ABTB3: variants seen among roughly 807,000 people sequenced by gnomAD.
The protein encoded by ABTB3 is ankyrin repeat and BTB domain containing 3.
the ABTB3 span, chr12:107,640,420 A>G: frequency 3.3e-6 from 5 of 1,529,110 alleles, no homozygotes; most frequent in Non-Finnish European, 4.5e-6. Flanking sequence ...CAAGGTACGT[A>G]TCATCGGTTT....
the ABTB3 span, among the ~76,000 whole-genome samples, chr12:107,483,544 C>T: frequency 6.6e-6 from 1 of 152,174 alleles, no homozygotes; most frequent in African/African-American, 2.4e-5. Context: ...CAGTCCCCTC[C>T]CCTTCCCCAC....
At chr12:107,536,525 ACTCAAC>A in the ABTB3 span, among the ~76,000 whole-genome samples, 1 of 151,822 alleles carries the variant, frequency 6.6e-6, no homozygotes, top group Non-Finnish European at 1.5e-5. Flanking sequence ...TAGACAAGGA[ACTCAAC>A]CTCAAAGAGA....
the ABTB3 span, among the ~76,000 whole-genome samples, chr12:107,427,159 C>A: frequency 6.6e-6 from 1 of 152,170 alleles, no homozygotes. Flanking sequence ...CAGGGGAAAC[C>A]CTTCCTTGCC....
At chr12:107,501,643 T>C in the ABTB3 span, among the ~76,000 whole-genome samples, 10 of 152,160 alleles carry the variant, frequency 6.6e-5, no homozygotes, top group Middle Eastern at 3.4e-3. Flanking sequence ...GAGATTGTAG[T>C]GAGCTGAGAT....
the ABTB3 span, among the ~76,000 whole-genome samples, chr12:107,539,047 A>G: frequency 2.0e-5 from 3 of 152,306 alleles, no homozygotes; most frequent in Admixed American, 6.5e-5. Context: ...GCTGAGTGAC[A>G]CCTGGGCCAG....
the ABTB3 span, among the ~76,000 whole-genome samples, chr12:107,417,057 A>G: frequency 6.6e-6 from 1 of 152,198 alleles, no homozygotes. Flanking sequence ...AAGGCGAGGA[A>G]ATTAGCAACT....
the ABTB3 span, among the ~76,000 whole-genome samples, chr12:107,621,065 G>T: frequency 1.3e-5 from 2 of 152,202 alleles, no homozygotes; most frequent in Non-Finnish European, 2.9e-5. Context: ...GAGGGGACAT[G>T]GGGCTGCTTC....
chr12:107,531,617 A>G, the ABTB3 span, among the ~76,000 whole-genome samples: 1 of 152,054 alleles, frequency 6.6e-6, no homozygotes, highest in East Asian at 1.9e-4. Flanking sequence ...CTGCAATGCT[A>G]GTTACAGGAA....
the ABTB3 span, chr12:107,617,046 T>C: frequency 1.3e-6 from 2 of 1,586,682 alleles, no homozygotes; most frequent in East Asian, 4.5e-5. Flanking sequence ...CTGTGCACAG[T>C]GTATCTCCTC....
the ABTB3 span, among the ~76,000 whole-genome samples, chr12:107,480,246 A>G: frequency 6.6e-6 from 1 of 152,194 alleles, no homozygotes; most frequent in African/African-American, 2.4e-5. Context: ...GGAAGGCTAA[A>G]ATAGCACCTG....
the ABTB3 span, among the ~76,000 whole-genome samples, chr12:107,381,635 C>G: frequency 2.6e-5 from 4 of 152,192 alleles, no homozygotes; most frequent in Admixed American, 6.5e-5. Context: ...ATCTGTTCAT[C>G]AAACACTTCC....
At chr12:107,338,689 G>T in the ABTB3 span, among the ~76,000 whole-genome samples, 1 of 152,188 alleles carries the variant, frequency 6.6e-6, no homozygotes, top group African/African-American at 2.4e-5. Flanking sequence ...ATATGAAGTT[G>T]TTCTGTCCCC....
At chr12:107,477,138 G>A in the ABTB3 span, among the ~76,000 whole-genome samples, 1 of 152,180 alleles carries the variant, frequency 6.6e-6, no homozygotes. Flanking sequence ...TCAAGGCATT[G>A]GTGCGCATGC....
At chr12:107,424,900 C>G in the ABTB3 span, among the ~76,000 whole-genome samples, 3 of 152,296 alleles carry the variant, frequency 2.0e-5, no homozygotes, top group East Asian at 3.9e-4. Flanking sequence ...GCCTGATTAA[C>G]GTATTTATGG....
At chr12:107,644,498 C>T in the ABTB3 span, among the ~76,000 whole-genome samples, 1 of 152,194 alleles carries the variant, frequency 6.6e-6, no homozygotes, top group Non-Finnish European at 1.5e-5. Flanking sequence ...TACACATTAG[C>T]AGCTCTCAGA....
chr12:107,462,341 G>A, the ABTB3 span, among the ~76,000 whole-genome samples: 1 of 152,226 alleles, frequency 6.6e-6, no homozygotes, highest in Non-Finnish European at 1.5e-5. Context: ...CTAAACCAGT[G>A]TTTGGGGGGA....
At chr12:107,571,702 T>C in the ABTB3 span, among the ~76,000 whole-genome samples, 1 of 152,242 alleles carries the variant, frequency 6.6e-6, no homozygotes. Flanking sequence ...CAGGGCCATT[T>C]ATATCCTGGG....
At chr12:107,507,689 A>G in the ABTB3 span, among the ~76,000 whole-genome samples, 1 of 152,054 alleles carries the variant, frequency 6.6e-6, no homozygotes, top group Admixed American at 6.5e-5. Flanking sequence ...ACTTCTTACA[A>G]TCCCCACAAT....
chr12:107,503,086 CA>C, the ABTB3 span, among the ~76,000 whole-genome samples: 2 of 152,102 alleles, frequency 1.3e-5, no homozygotes, highest in Admixed American at 1.3e-4. Context: ...CAGGGTTGGT[CA>C]GGGGGCAGAA....
Sources: allele counts gnomAD v4.1 joint callset (sites outside exome capture counted in the v4.1 genomes callset), GRCh38; gene constraint gnomAD v4.1.1; transcripts MANE v1.5; gene names NCBI Gene and HGNC (gene_info 2026-07-23, HGNC 2026-07-21).